The following BCAS3 variants were observed in gnomAD, a reference collection of about 807,000 sequenced individuals.
BCAS3 encodes the protein BCAS3 microtubule associated cell migration factor.
In BCAS3, 53 loss-of-function variants were observed where a neutral mutation model predicts 116.1. The observed-to-expected ratio is 0.46, with a 90% confidence interval of 0.37 to 0.57. The LOEUF is 0.57. BCAS3 is among the 20% of genes least tolerant of loss of function. BCAS3 has a pLI of 0.00. For missense variants in BCAS3, 917 were observed against 1,165.4 expected (o/e 0.79, Z 3.10); for synonymous variants, 391 against 408.2 (o/e 0.96, Z 0.51).
intron 6 of BCAS3, among the ~76,000 whole-genome samples, chr17:60,763,478 GT>G (rs1272978032): frequency 1.3e-5 from 2 of 152,144 alleles, no homozygotes; most frequent in Non-Finnish European, 2.9e-5. Context: ...CTTTGGTTCT[GT>G]TTATGTGATG....
At chr17:60,931,046 A>AT (rs570708243) in intron 13 of BCAS3, among the ~76,000 whole-genome samples, 1,782 of 149,364 alleles carry the variant, frequency 0.012, 35 homozygotes, top group African/African-American at 0.039. Context: ...AGCTGCATTC[A>AT]TTTTTTTTTC....
chr17:60,747,796 G>A (rs1653493384), intron 6 of BCAS3, among the ~76,000 whole-genome samples: 1 of 152,172 alleles, frequency 6.6e-6, no homozygotes, highest in African/African-American at 2.4e-5. Flanking sequence ...TATGTCAGAA[G>A]TGGAGTTTTG....
rs2064919480 is a variant in BCAS3 at position 61,008,990 on chromosome 17, T to A, written c.1487-6761T>A. 6.6e-6 allele frequency among the ~76,000 whole-genome samples: 1 copy of A among 151,986 alleles called. No homozygotes were observed. The highest frequency in any genetic ancestry group is 2.4e-5 in the African/African-American group (1 of 41,406). ...AAAGACACTAGGTGAGGAGCTTATA[T>A]CCTAGAACAATAGTGGGTGTTGTAG... On this transcript the variant is annotated intron_variant, in intron 15 of 23. Transcript: ENST00000407086. The surrounding 1 kb of genome is among the most constrained non-coding windows in gnomAD (Gnocchi z 4.6).
chr17:60,873,724 A>T (rs1025616838), intron 8 of BCAS3, among the ~76,000 whole-genome samples: 2 of 152,248 alleles, frequency 1.3e-5, no homozygotes, highest in African/African-American at 4.8e-5. Flanking sequence ...ACTTATATTT[A>T]TGAGTAGCAG....
At position 61,136,942 on chromosome 17, in the gene BCAS3, A is replaced by C. The variant is rs537784521; in HGVS notation, c.2425+52378A>C. ...GTGCTGAGAAAATGTTGAATTATTC[A>C]GATAGTTGATTCACATTGAATTGTA... On this transcript the variant is annotated intron_variant, in intron 22 of 23. Coordinates refer to ENST00000407086, the MANE Select transcript of BCAS3 (RefSeq NM_017679.5). The surrounding 1 kb of genome is among the most constrained non-coding windows in gnomAD (Gnocchi z 4.4). 1.3e-5 allele frequency among the ~76,000 whole-genome samples: 2 copies of C among 152,358 alleles called. No homozygotes were observed. Among genetic ancestry groups the C allele is most frequent in the South Asian group, 2.1e-4 (1 of 4,828 alleles).
At chr17:61,035,081 A>G (rs554285095) in intron 17 of BCAS3, among the ~76,000 whole-genome samples, 1 of 152,250 alleles carries the variant, frequency 6.6e-6, no homozygotes, top group South Asian at 2.1e-4. Flanking sequence ...TACCTTTTAC[A>G]TTTTTACAAG....
intron 5 of BCAS3, among the ~76,000 whole-genome samples, chr17:60,742,217 C>G (rs1438514104): frequency 6.6e-6 from 1 of 152,132 alleles, no homozygotes; most frequent in Non-Finnish European, 1.5e-5. Flanking sequence ...ATTTGCATTT[C>G]TGTGCACAAG....
intron 22 of BCAS3, among the ~76,000 whole-genome samples, chr17:61,207,750 C>T (rs566127241): frequency 1.1e-4 from 16 of 152,180 alleles, no homozygotes; most frequent in East Asian, 5.8e-4. Flanking sequence ...GGAGAAAATC[C>T]GCCCTCTTAC....
At chr17:60,834,024 CATCAT>C (rs2051162930) in intron 7 of BCAS3, among the ~76,000 whole-genome samples, 1 of 141,610 alleles carries the variant, frequency 7.1e-6, no homozygotes, top group African/African-American at 2.9e-5. Flanking sequence ...GGATTTAAAT[CATCAT>C]GTGATATTTT....
At chr17:61,044,478 A>ATATATATATATATATATG (rs1568205824) in intron 19 of BCAS3, among the ~76,000 whole-genome samples, 1 of 146,518 alleles carries the variant, frequency 6.8e-6, no homozygotes, top group African/African-American at 2.7e-5. Flanking sequence ...ATATATATAT[A>ATATATATATATATATATG]TGCCATAAGA....
In BCAS3 at chr17:61,392,141, T is replaced by C; in HGVS notation, c.*16T>C. ...CTTCCCGTAGGTACCAGCAACCTGCTTCTGACTGGCCAGCCCCCTCCCCTG... is the reference window on the plus strand; with the variant it reads ...CTTCCCGTAGGTACCAGCAACCTGCCTCTGACTGGCCAGCCCCCTCCCCTG... On this transcript the variant is annotated 3_prime_UTR_variant, in exon 24 of 24. Transcript: ENST00000407086. This position sits in a 1 kb window ranked among gnomAD's most constrained non-coding sequence, Gnocchi z 6.4. The C allele has an allele frequency of 1.2e-6, 2 of 1,611,674 alleles. No individual in the cohort carries two copies. The highest frequency in any genetic ancestry group is 1.7e-6 in the Non-Finnish European group (2 of 1,178,852).
chr17:60,906,459 G>A (rs2058193667), intron 11 of BCAS3, among the ~76,000 whole-genome samples: 1 of 152,096 alleles, frequency 6.6e-6, no homozygotes, highest in Non-Finnish European at 1.5e-5. Flanking sequence ...TGGAGGGAAT[G>A]TCACCAAGTA....
intron 22 of BCAS3, among the ~76,000 whole-genome samples, chr17:61,093,117 A>T (rs2073732949): frequency 6.6e-6 from 1 of 151,998 alleles, no homozygotes; most frequent in Non-Finnish European, 1.5e-5. Flanking sequence ...CATGTTGGCC[A>T]GGCTGGTCTC....
chr17:61,357,827 G>A (rs1193110049), intron 22 of BCAS3, among the ~76,000 whole-genome samples: 3 of 151,516 alleles, frequency 2.0e-5, no homozygotes, highest in Non-Finnish European at 4.4e-5. Flanking sequence ...AGTGGCTCAA[G>A]CCTGTAATCC....
chr17:60,985,671 C>T lies in BCAS3; in HGVS notation c.1222-4300C>T, dbSNP rs559831802. On this transcript the variant is annotated intron_variant, in intron 14 of 23. Transcript: ENST00000407086. Reference sequence around the variant, plus strand: ...CATCCCTACTCCCCCCTCCTCCCTCCACTACCCTTTCCAGCCTCTCGTAAA... The same window carrying T: ...CATCCCTACTCCCCCCTCCTCCCTCTACTACCCTTTCCAGCCTCTCGTAAA... Among the ~76,000 whole-genome samples the T allele has an allele frequency of 2.5e-4, 38 of 152,210 alleles. No homozygotes were observed. In the South Asian group the frequency reaches 7.9e-3, roughly 32 times the overall value.
rs2067520340 is a variant in BCAS3 at position 61,041,677 on chromosome 17, A to G, written c.2029+785A>G. Among the ~76,000 whole-genome samples, 1 of 152,160 alleles carries G rather than the reference A, an allele frequency of 6.6e-6. No individual in the cohort carries two copies. Among genetic ancestry groups the G allele is most frequent in the South Asian group, 2.1e-4 (1 of 4,826 alleles). On this transcript the variant is annotated intron_variant, in intron 19 of 23. Transcript: ENST00000407086. The surrounding 1 kb of genome is among the most constrained non-coding windows in gnomAD (Gnocchi z 4.7). ...ACATTGTCTTGCCCGGTATATTAGAAAGCATGAATTAAAATAGTTGTCGAA... is the reference window on the plus strand; with the variant it reads ...ACATTGTCTTGCCCGGTATATTAGAGAGCATGAATTAAAATAGTTGTCGAA...
intron 11 of BCAS3, among the ~76,000 whole-genome samples, chr17:60,908,454 G>GT (rs1263637919): frequency 6.6e-4 from 100 of 152,292 alleles, no homozygotes; most frequent in Non-Finnish European, 4.7e-4. Context: ...GGATAGCTGT[G>GT]TTTAAGTGGG....
Position 61,162,282 on chromosome 17 carries a change from G to T in BCAS3, c.2425+77718G>T, listed in dbSNP as rs756412606. Reference sequence around the variant, plus strand: ...GAAGTGGGAGCCTAGTTAAGATTCCGATTCTCTGTGGGATGGGGATAGGTA... The same window carrying T: ...GAAGTGGGAGCCTAGTTAAGATTCCTATTCTCTGTGGGATGGGGATAGGTA... On this transcript the variant is annotated intron_variant, in intron 22 of 23. Coordinates refer to ENST00000407086, the MANE Select transcript of BCAS3 (RefSeq NM_017679.5). The surrounding 1 kb of genome is among the most constrained non-coding windows in gnomAD (Gnocchi z 5.6). 6.6e-6 allele frequency among the ~76,000 whole-genome samples: 1 copy of T among 152,154 alleles called. No homozygotes were observed. Among genetic ancestry groups the T allele is most frequent in the African/African-American group, 2.4e-5 (1 of 41,436 alleles).
rs190230868 is a variant in BCAS3 at position 61,049,098 on chromosome 17, A to G, written c.2029+8206A>G. Among the ~76,000 whole-genome samples the G allele has an allele frequency of 1.7e-3, 256 of 151,980 alleles. 2 individuals carry two copies. Among genetic ancestry groups the G allele is most frequent in the African/African-American group, 5.3e-3 (222 of 41,514 alleles). On this transcript the variant is annotated intron_variant, in intron 19 of 23. Transcript: ENST00000407086. ...AGGATTGCTTGAGGTCAGGAGTTCA[A>G]TACCTGCCTAGAAATAGAGTGAGAC...
Sources: gnomAD v4.1 joint callset for allele counts (sites outside exome capture counted in the v4.1 genomes callset) on GRCh38, gnomAD v4.1.1 for gene constraint, Gnocchi (gnomAD v3.1) non-coding constraint, MANE v1.5 for transcripts, NCBI Gene and HGNC (gene_info 2026-07-23, HGNC 2026-07-21) for gene names.